The following CDH4 variants were observed in gnomAD, a reference collection of about 807,000 sequenced individuals.
CDH4 encodes the protein cadherin 4.
A neutral mutation model predicts 86.0 loss-of-function variants in CDH4; 33 were observed. The observed-to-expected ratio is 0.38, with a 90% CI of 0.29 to 0.51. CDH4 has a LOEUF of 0.51. CDH4 is among the 20% of genes least tolerant of loss of function. CDH4 has a pLI of 0.86. For missense variants in CDH4, 1,114 were observed against 1,307.4 expected (o/e 0.85, Z 2.28); for synonymous variants, 555 against 549.4 (o/e 1.01, Z -0.14).
intron 4 of CDH4, among the ~76,000 whole-genome samples, chr20:61,789,448 G>C (rs905109602): frequency 3.3e-5 from 5 of 152,198 alleles, no homozygotes; most frequent in Non-Finnish European, 5.9e-5. Context: ...CGGTGCCTGG[G>C]CTGGCACCCA....
intron 2 of CDH4, among the ~76,000 whole-genome samples, chr20:61,591,815 A>G (rs1047300022): frequency 2.0e-5 from 3 of 152,204 alleles, no homozygotes; most frequent in Non-Finnish European, 4.4e-5. Context: ...ATTATACGGC[A>G]GTTTAAAAAA....
At chr20:61,559,967 C>T (rs1184162911) in intron 2 of CDH4, among the ~76,000 whole-genome samples, 3 of 152,212 alleles carry the variant, frequency 2.0e-5, no homozygotes, top group Non-Finnish European at 4.4e-5. Flanking sequence ...CCTCAGAGCA[C>T]CACGTCTCAA....
intron 2 of CDH4, among the ~76,000 whole-genome samples, chr20:61,604,704 C>T (rs1276377044): frequency 6.6e-6 from 1 of 152,166 alleles, no homozygotes; most frequent in East Asian, 1.9e-4. Flanking sequence ...CTCTAACACA[C>T]AGACACGTGT....
chr20:61,345,407 C>T (rs1184989123), intron 2 of CDH4, among the ~76,000 whole-genome samples: 8 of 152,212 alleles, frequency 5.3e-5, no homozygotes, highest in Admixed American at 2.0e-4. Context: ...GTAATTAATT[C>T]GCCATGTTTC....
At chr20:61,259,244 A>T (rs1027468897) in intron 2 of CDH4, among the ~76,000 whole-genome samples, 3 of 152,236 alleles carry the variant, frequency 2.0e-5, no homozygotes, top group African/African-American at 7.2e-5. Context: ...TCTGGAATCC[A>T]TATCTAAGAA....
chr20:61,654,027 G>T (rs1160932269), intron 2 of CDH4, among the ~76,000 whole-genome samples: 1 of 152,020 alleles, frequency 6.6e-6, no homozygotes, highest in African/African-American at 2.4e-5. Context: ...CAGGGTGGCG[G>T]CCGGGCAGAG....
At chr20:61,593,023 C>G (rs565321285) in intron 2 of CDH4, among the ~76,000 whole-genome samples, 1 of 152,176 alleles carries the variant, frequency 6.6e-6, no homozygotes, top group Admixed American at 6.5e-5. Flanking sequence ...AGGGTCAGGT[C>G]AGAGAAGAAG....
chr20:61,740,742 CAG>C (rs1250957918), intron 2 of CDH4: 1 of 152,266 alleles, frequency 6.6e-6, no homozygotes, highest in African/African-American at 2.4e-5. Context: ...GCTGAGGACT[CAG>C]AATCACAAAT....
At chr20:61,885,903 T>C (rs1984520434) in intron 7 of CDH4, among the ~76,000 whole-genome samples, 2 of 152,106 alleles carry the variant, frequency 1.3e-5, no homozygotes, top group Non-Finnish European at 2.9e-5. Flanking sequence ...GGGAAGGCCC[T>C]TGGGGAGTGT....
Position 61,586,534 on chromosome 20 carries a change from A to C in CDH4, c.170-157029A>C, listed in dbSNP as rs566967417. ...GGAGACCCTGGACGTGAGGTAACTCAAAGGCAGATGCCCTTACAGTAGCCC... is the reference window on the plus strand; with the variant it reads ...GGAGACCCTGGACGTGAGGTAACTCCAAGGCAGATGCCCTTACAGTAGCCC... On this transcript the variant is annotated intron_variant, in intron 2 of 15. Coordinates refer to ENST00000614565, the MANE Select transcript of CDH4 (RefSeq NM_001794.5). Among the ~76,000 whole-genome samples the C allele has an allele frequency of 3.7e-4, 56 of 152,364 alleles. No individual in the cohort carries two copies. In the South Asian group the frequency reaches 6.6e-3, roughly 18 times the overall value.
intron 9 of CDH4, among the ~76,000 whole-genome samples, chr20:61,920,240 A>G (rs2054960307): frequency 7.2e-6 from 1 of 138,488 alleles, no homozygotes; most frequent in South Asian, 2.4e-4. Context: ...GATTGCATGG[A>G]AGCGTGGTGT....
In CDH4 at chr20:61,465,935, C is replaced by T. The variant is rs6143023; in HGVS notation, c.169+210998C>T. 5.9e-5 allele frequency among the ~76,000 whole-genome samples: 9 copies of T among 151,650 alleles called. No homozygotes were observed. In the East Asian group the frequency reaches 1.4e-3, roughly 23 times the overall value. On this transcript the variant is annotated intron_variant, in intron 2 of 15. Coordinates refer to ENST00000614565, the MANE Select transcript of CDH4 (RefSeq NM_001794.5). ...CTAATGTTCTCTATAGGCCAGTTTCCAAATTACTCTGCCTGCCACGGGTTC... is the reference window on the plus strand; with the variant it reads ...CTAATGTTCTCTATAGGCCAGTTTCTAAATTACTCTGCCTGCCACGGGTTC...
At chr20:61,848,076 C>T (rs1298612814) in intron 5 of CDH4, among the ~76,000 whole-genome samples, 2 of 152,268 alleles carry the variant, frequency 1.3e-5, no homozygotes, top group East Asian at 3.8e-4. Context: ...CAGGCTCTAC[C>T]CAGGAAAGGT....
At chr20:61,700,231 C>T (rs1022732436) in intron 2 of CDH4, among the ~76,000 whole-genome samples, 13 of 152,140 alleles carry the variant, frequency 8.5e-5, no homozygotes, top group Non-Finnish European at 1.9e-4. Context: ...CCAGTTCTGC[C>T]CACAGACATA....
chr20:61,299,708 G>C (rs1005712862), intron 2 of CDH4, among the ~76,000 whole-genome samples: 4 of 152,168 alleles, frequency 2.6e-5, no homozygotes, highest in African/African-American at 9.7e-5. Flanking sequence ...CCCTTGAAAG[G>C]CCTCCCTGCA....
intron 8 of CDH4, among the ~76,000 whole-genome samples, chr20:61,904,340 G>C (rs989214164): frequency 6.6e-6 from 1 of 152,156 alleles, no homozygotes; most frequent in Non-Finnish European, 1.5e-5. Flanking sequence ...CAGCTGCTGG[G>C]AACTGGTGGG....
chr20:61,552,336 C>T (rs949122413), intron 2 of CDH4, among the ~76,000 whole-genome samples: 1 of 152,186 alleles, frequency 6.6e-6, no homozygotes, highest in Non-Finnish European at 1.5e-5. Flanking sequence ...CCAAAGAAGA[C>T]ATACGAATGT....
At chr20:61,830,762 G>A (rs182495695) in intron 4 of CDH4, among the ~76,000 whole-genome samples, 11 of 152,348 alleles carry the variant, frequency 7.2e-5, no homozygotes, top group Non-Finnish European at 7.3e-5. Context: ...GCTTCACTCC[G>A]CGGTCATTTA....
intron 2 of CDH4, among the ~76,000 whole-genome samples, chr20:61,256,542 G>T (rs558313079): frequency 9.8e-5 from 15 of 152,350 alleles, no homozygotes; most frequent in Non-Finnish European, 1.9e-4. Context: ...CTCTTGATCA[G>T]TGTGGTGGGA....
Sources: gnomAD v4.1 joint callset for allele counts (sites outside exome capture counted in the v4.1 genomes callset) on GRCh38, gnomAD v4.1.1 for gene constraint, MANE v1.5 for transcripts, NCBI Gene and HGNC (gene_info 2026-07-23, HGNC 2026-07-21) for gene names.